LGALS12: variants seen among roughly 807,000 people sequenced by gnomAD.
The protein encoded by LGALS12 is galectin 12.
Under a neutral mutation model 36.8 loss-of-function variants are expected in LGALS12, and 36 were observed. The ratio of observed to expected loss-of-function variants is 0.98; its 90% CI spans 0.75 to 1.29. The LOEUF (loss-of-function observed/expected upper bound fraction) is 1.29. LGALS12 is among the 50% of genes most tolerant of loss of function. The pLI is 0.00. For synonymous variants in LGALS12, 145 were observed against 155.9 expected (o/e 0.93, Z 0.52); for missense variants, 366 against 394.3 (o/e 0.93, Z 0.61).
intron 3 of LGALS12, among the ~76,000 whole-genome samples, 164 bp downstream of exon 3, chr11:63,509,155 A>G (rs1400374557): frequency 2.0e-5 from 3 of 152,234 alleles, no homozygotes; most frequent in Non-Finnish European, 4.4e-5. Context: ...CCCTGGGCCC[A>G]CATGGCAGCA....
intron 5 of LGALS12, among the ~76,000 whole-genome samples, 187 bp downstream of exon 5, chr11:63,510,688 C>G (rs1206314437): frequency 6.6e-6 from 1 of 152,202 alleles, no homozygotes; most frequent in East Asian, 1.9e-4. Flanking sequence ...CCAGGCCCAG[C>G]TTGGGAAGAT....
At chr11:63,507,378 C>T (rs2016771767) in intron 1 of LGALS12, among the ~76,000 whole-genome samples, 1 of 152,166 alleles carries the variant, frequency 6.6e-6, no homozygotes, top group South Asian at 2.1e-4. Flanking sequence ...TCCTGTGATA[C>T]CACTGGTATG....
At chr11:63,513,801 A>T (rs933187) in intron 7 of LGALS12, among the ~76,000 whole-genome samples, 27,500 of 152,006 alleles carry the variant, frequency 0.18, 3,643 homozygotes, top group East Asian at 0.66. Flanking sequence ...GTATGACTGC[A>T]GCCTCAAAGA....
rs773177645 is a variant in LGALS12 at position 63,509,003 on chromosome 11, G to A, written c.372+12G>A. On this transcript the variant is annotated intron_variant, in intron 3 of 8. Transcript: ENST00000394618. ...ATGAGGAAGTGAAGGTGAAGGAAGG[G>A]ACGGGCATTGGGTGGTCTAGAATTT... The A allele has an allele frequency of 1.2e-6, 2 of 1,603,586 alleles. No homozygotes were observed. Among genetic ancestry groups the A allele is most frequent in the African/African-American group, 1.3e-5 (1 of 74,840 alleles).
rs768131138 is a variant in LGALS12, at chr11:63,509,807, C to A, written c.402C>A (p.His134Gln). Residue 134 changes from histidine to glutamine, a missense_variant, in exon 4 of 9, where the codon CAC (histidine) becomes CAA (glutamine). Transcript: ENST00000394618. Reference sequence around the variant, plus strand: ...GTGTGAATGGACAGCACTTTCTCCACTTCCGCTACCGGCTCCCACTGTCTC... The same window carrying A: ...GTGTGAATGGACAGCACTTTCTCCAATTCCGCTACCGGCTCCCACTGTCTC... ...KVSVNGQHFL[H>Q]FRYRLPLSHV... 12 of 1,614,064 alleles carry A rather than the reference C, an allele frequency of 7.4e-6. No individual in the cohort carries two copies. The highest frequency in any genetic ancestry group is 9.3e-6 in the Non-Finnish European group (11 of 1,180,006).
chr11:63,513,904 C>T (rs984451307), intron 7 of LGALS12, among the ~76,000 whole-genome samples: 1 of 152,124 alleles, frequency 6.6e-6, no homozygotes, highest in Non-Finnish European at 1.5e-5. Flanking sequence ...AGTGATCTGG[C>T]GGGCTGAGCT....
intron 7 of LGALS12, among the ~76,000 whole-genome samples, chr11:63,514,741 C>T (rs749607266): frequency 2.0e-5 from 3 of 152,138 alleles, no homozygotes; most frequent in Admixed American, 2.0e-4. Context: ...TTCTTGTCCT[C>T]ATCACTTAAA....
chr11:63,510,346 C>G, intron 4 of LGALS12, 117 bp from the exon 5 acceptor site: 1 of 997,900 alleles, frequency 1.0e-6, no homozygotes, highest in Non-Finnish European at 1.6e-6. Context: ...TACCACTGAC[C>G]AGCCGAATGG....
chr11:63,515,569 T>A lies in LGALS12; in HGVS notation c.654T>A (p.Thr218=). 6.2e-7 allele frequency: 1 copy of A among 1,614,154 alleles called. No homozygotes were observed. The highest frequency in any genetic ancestry group is 8.5e-7 in the Non-Finnish European group (1 of 1,180,004). Residue 218 remains threonine (T), a synonymous_variant, in exon 8 of 9, where the codon ACT becomes ACA. Coordinates refer to ENST00000394618, the MANE Select transcript of LGALS12 (RefSeq NM_033101.4). ...TTCCTCCTGCTTCCTGCAGTTTTACTGTGAGCCTGAGGGACCAGGCTGCCC... is the reference window on the plus strand; with the variant it reads ...TTCCTCCTGCTTCCTGCAGTTTTACAGTGAGCCTGAGGGACCAGGCTGCCC... ...GLVLQEPKHF[T]VSLRDQAAHA...
intron 7 of LGALS12, among the ~76,000 whole-genome samples, chr11:63,514,443 C>T (rs1472207212): frequency 2.0e-5 from 3 of 152,068 alleles, no homozygotes; most frequent in Admixed American, 6.5e-5. Context: ...TGCGGGCATG[C>T]GCCTGTAGTC....
chr11:63,510,508 TTC>T lies in LGALS12; in HGVS notation c.531+9_531+10del. 6.2e-7 allele frequency: 1 copy of T among 1,613,972 alleles called. No homozygotes were observed. The highest frequency in any genetic ancestry group is 8.5e-7 in the Non-Finnish European group (1 of 1,179,914). On this transcript the variant is annotated splice_region_variant and intron_variant, in intron 5 of 8. Transcript: ENST00000394618. Reference sequence around the variant, plus strand: ...AGAGTACCCAGCTGGACATGTGAGTTTCTTGGCAGCAAGGTCTGAGCAGCCAC... The same window carrying T: ...AGAGTACCCAGCTGGACATGTGAGTTTTGGCAGCAAGGTCTGAGCAGCCAC...
intron 7 of LGALS12, among the ~76,000 whole-genome samples, chr11:63,515,151 T>C (rs2017041520): frequency 6.6e-6 from 1 of 152,230 alleles, no homozygotes; most frequent in African/African-American, 2.4e-5. Flanking sequence ...CGGGACTGCC[T>C]GACTCTAACC....
At chr11:63,515,362 A>T (rs2017046713) in intron 7 of LGALS12, among the ~76,000 whole-genome samples, 1 of 152,166 alleles carries the variant, frequency 6.6e-6, no homozygotes, top group African/African-American at 2.4e-5. Context: ...GTCAATCTCA[A>T]GTTCATCTAG....
Position 63,516,448 on chromosome 11 carries a change from G to A in LGALS12, c.*55G>A, listed in dbSNP as rs542076469. The A allele has an allele frequency of 6.2e-7, 1 of 1,600,282 alleles. No homozygotes were observed. Among genetic ancestry groups the A allele is most frequent in the East Asian group, 2.2e-5 (1 of 44,806 alleles). On this transcript the variant is annotated 3_prime_UTR_variant, in exon 9 of 9. Transcript: ENST00000394618. ...ACAAGAAGGTCAGCCCACTCCCAGG[G>A]CCCCACTCTCCTCCCCTCATTAAAC...
In LGALS12 at chr11:63,511,763, C is replaced by T. The variant is rs2016930046; in HGVS notation, c.570C>T (p.Cys190=). The stretch of plus-strand genomic sequence containing the variant: ...CCTTGTTCCTTCAGGAGGTGCCCTG[C>T]TCACATGCTCTTCCCCAGGGTCTCT... The part of the protein sequence containing the change: ...LLMSPRLEVP[C]SHALPQGLSP... The change falls in exon 7 of 9, where the codon TGC becomes TGT. Residue 190 remains cysteine, a synonymous_variant. Coordinates refer to ENST00000394618, the MANE Select transcript of LGALS12 (RefSeq NM_033101.4). 1 of 1,613,118 alleles carries T rather than the reference C, an allele frequency of 6.2e-7. No homozygotes were observed. The highest frequency in any genetic ancestry group is 2.2e-5 in the East Asian group (1 of 44,872).
intron 1 of LGALS12, among the ~76,000 whole-genome samples, chr11:63,507,106 C>T (rs949742508): frequency 1.3e-5 from 2 of 152,188 alleles, no homozygotes; most frequent in African/African-American, 4.8e-5. Flanking sequence ...TAATTACAGG[C>T]CTGGAGGGAG....
chr11:63,507,032 G>A (rs1313770197), intron 1 of LGALS12, among the ~76,000 whole-genome samples: 1 of 152,164 alleles, frequency 6.6e-6, no homozygotes, highest in African/African-American at 2.4e-5. Flanking sequence ...CCCTACTAAT[G>A]AGCATTAATT....
chr11:63,510,967 G>A, intron 5 of LGALS12, 112 bp from the exon 6 acceptor site: 1 of 1,053,104 alleles, frequency 9.5e-7, no homozygotes, highest in Non-Finnish European at 1.5e-6. Context: ...CTCACCTACT[G>A]CTGTGAGAGA....
chr11:63,508,477 C>T (rs1401527621), intron 1 of LGALS12, 76 bp from the exon 2 acceptor site: 2 of 1,583,486 alleles, frequency 1.3e-6, no homozygotes, highest in African/African-American at 2.7e-5. Flanking sequence ...CTGCTCCTTT[C>T]CTCCCACTCG....
Sources: gnomAD v4.1 joint callset for allele counts (sites outside exome capture counted in the v4.1 genomes callset) on GRCh38, gnomAD v4.1.1 for gene constraint, MANE v1.5 for transcripts, NCBI Gene and HGNC (gene_info 2026-07-23, HGNC 2026-07-21) for gene names.